PTPN12: variants seen among roughly 807,000 people sequenced by gnomAD.
The protein encoded by PTPN12 is tyrosine-protein phosphatase non-receptor type 12.
A neutral mutation model predicts 97.6 loss-of-function variants in PTPN12; 29 were observed. The ratio of observed to expected loss-of-function variants is 0.30; its 90% confidence interval spans 0.22 to 0.41. The LOEUF is 0.41. Among genes scored for constraint, PTPN12 ranks in the 10% least tolerant of loss-of-function variants. PTPN12 has a pLI of 1.00. For synonymous variants in PTPN12, 327 were observed against 300.4 expected (o/e 1.09, Z -0.91); for missense variants, 819 against 926.0 (o/e 0.88, Z 1.50).
intron 2 of PTPN12, among the ~76,000 whole-genome samples, chr7:77,572,550 C>CT (rs1787181736): frequency 6.6e-6 from 1 of 151,916 alleles, no homozygotes; most frequent in South Asian, 2.1e-4. Context: ...TTTTGTTGTT[C>CT]TACATTATTA....
rs1054483774 is a variant in PTPN12 at position 77,588,597 on chromosome 7, C to T, written c.420+3016C>T. Reference sequence around the variant, plus strand: ...GCATATGCTGTTGAAAAAATGATACCGATATACTTGCTTGGTGCAGGGTTG... The same window carrying T: ...GCATATGCTGTTGAAAAAATGATACTGATATACTTGCTTGGTGCAGGGTTG... On this transcript the variant is annotated intron_variant, in intron 5 of 17. Transcript: ENST00000248594. 8.5e-5 allele frequency among the ~76,000 whole-genome samples: 13 copies of T among 152,136 alleles called. No homozygotes were observed. The East Asian group carries it at 1.2e-3, about 14-fold the overall frequency.
intron 8 of PTPN12, among the ~76,000 whole-genome samples, chr7:77,605,156 T>G (rs1195586523): frequency 6.6e-6 from 1 of 152,118 alleles, no homozygotes; most frequent in Non-Finnish European, 1.5e-5. Context: ...ATTAAGAGTT[T>G]TAAAAAATCT....
intron 16 of PTPN12, among the ~76,000 whole-genome samples, chr7:77,638,284 C>T (rs761893698): frequency 2.6e-5 from 4 of 152,022 alleles, no homozygotes; most frequent in Non-Finnish European, 4.4e-5. Context: ...TATACAAAGA[C>T]ATTTCAGTTG....
intron 3 of PTPN12, among the ~76,000 whole-genome samples, chr7:77,581,810 T>TCATCAATC (rs1168197122): frequency 6.6e-6 from 1 of 152,184 alleles, no homozygotes; most frequent in African/African-American, 2.4e-5. Context: ...CAAATGAACA[T>TCATCAATC]CATCAATCCC....
chr7:77,615,638 C>G (rs1283961453), intron 11 of PTPN12, among the ~76,000 whole-genome samples: 1 of 152,244 alleles, frequency 6.6e-6, no homozygotes, highest in South Asian at 2.1e-4. Flanking sequence ...GTAGTCCTAG[C>G]TACTTGGGAG....
intron 3 of PTPN12, among the ~76,000 whole-genome samples, chr7:77,581,865 A>T (rs1343377434): frequency 6.6e-6 from 1 of 152,146 alleles, no homozygotes; most frequent in Non-Finnish European, 1.5e-5. Context: ...TAAAATGATA[A>T]TATTGCAGTA....
chr7:77,557,573 CATTT>C (rs767623851), intron 1 of PTPN12, among the ~76,000 whole-genome samples: 3 of 152,024 alleles, frequency 2.0e-5, no homozygotes, highest in Non-Finnish European at 4.4e-5. Flanking sequence ...TAATACAAAA[CATTT>C]ATCATTTAAG....
At chr7:77,637,622 C>A (rs1789640184) in intron 16 of PTPN12, among the ~76,000 whole-genome samples, 1 of 151,736 alleles carries the variant, frequency 6.6e-6, no homozygotes, top group East Asian at 1.9e-4. Flanking sequence ...TTTGGGAGAC[C>A]CAGGCAGGCA....
At chr7:77,626,287 T>A (rs1789177771) in intron 12 of PTPN12, among the ~76,000 whole-genome samples, 1 of 152,110 alleles carries the variant, frequency 6.6e-6, no homozygotes, top group Admixed American at 6.5e-5. Context: ...ACGACTGAGG[T>A]AATGAAAAAT....
intron 1 of PTPN12, among the ~76,000 whole-genome samples, chr7:77,558,741 A>G (rs4729533): frequency 0.72 from 109,988 of 152,192 alleles, 41,154 homozygotes; most frequent in East Asian, 0.9. Context: ...GTGGTTTATG[A>G]GCTGGGCCCA....
At chr7:77,538,630 C>G (rs1476446220) in intron 1 of PTPN12, 9 of 151,962 alleles carry the variant, frequency 5.9e-5, no homozygotes, top group Non-Finnish European at 1.3e-4. Flanking sequence ...TGAAATTGCT[C>G]TAGATACACT....
chr7:77,626,234 A>C (rs1162084569), intron 12 of PTPN12, among the ~76,000 whole-genome samples: 1 of 152,212 alleles, frequency 6.6e-6, no homozygotes, highest in Non-Finnish European at 1.5e-5. Context: ...AAGAAAAGAT[A>C]CGAAATCATG....
chr7:77,633,320 T>G (rs1298378627), intron 14 of PTPN12, among the ~76,000 whole-genome samples: 1 of 151,944 alleles, frequency 6.6e-6, no homozygotes, highest in East Asian at 1.9e-4. Context: ...GTATTTTCAT[T>G]CATTAAAAAT....
At chr7:77,618,653 ATTAC>A (rs2151384441) in intron 12 of PTPN12, 88 bp downstream of exon 12, 1 of 887,392 alleles carries the variant, frequency 1.1e-6, no homozygotes, top group East Asian at 2.7e-5. Context: ...ATATTTCTAA[ATTAC>A]TTTTATAACT....
Position 77,627,082 on chromosome 7 carries a change from C to T in PTPN12, c.1403C>T (p.Ser468Leu), listed in dbSNP as rs768438808. 4.3e-6 allele frequency: 7 copies of T among 1,613,948 alleles called. No homozygotes were observed. In the African/African-American group the frequency reaches 8.0e-5, roughly 18 times the overall value. ...RGHAIKIKSA[S>L]PCIADKISKP... ...CATGCAATTAAAATTAAATCTGCTT[C>T]ACCTTGTATAGCTGATAAAATCTCT... The change falls in exon 13 of 18, where the codon TCA becomes TTA. Residue 468 changes from serine to leucine, a missense_variant. Physicochemically the swap from Ser to Leu is moderately radical, Grantham distance 145. This residue lies in a region of PTPN12 where 607 missense variants were observed against 577.3 expected (regional missense o/e 1.05). Transcript: ENST00000248594.
intron 14 of PTPN12, among the ~76,000 whole-genome samples, chr7:77,635,298 A>G (rs1284399883): frequency 2.6e-5 from 4 of 152,192 alleles, no homozygotes; most frequent in Non-Finnish European, 5.9e-5. Flanking sequence ...GCGAGGTGGC[A>G]TGCACCTATA....
At chr7:77,588,033 C>T (rs1787747838) in intron 5 of PTPN12, among the ~76,000 whole-genome samples, 2 of 152,138 alleles carry the variant, frequency 1.3e-5, no homozygotes, top group Admixed American at 6.5e-5. Context: ...TCTATCTAGA[C>T]CACTAAAACT....
chr7:77,583,533 AT>A, intron 3 of PTPN12, 21 bp from the exon 4 acceptor site: 1 of 1,475,948 alleles, frequency 6.8e-7, no homozygotes, highest in Non-Finnish European at 9.3e-7. Context: ...TAAATGTGAA[AT>A]TTGCTTTTAA....
At chr7:77,539,540 C>G (rs887774449) in intron 1 of PTPN12, among the ~76,000 whole-genome samples, 1 of 151,874 alleles carries the variant, frequency 6.6e-6, no homozygotes, top group Admixed American at 6.6e-5. Context: ...TTACTACTTT[C>G]TAGCAAAAGT....
Sources: allele counts gnomAD v4.1 joint callset (sites outside exome capture counted in the v4.1 genomes callset), GRCh38; gene constraint gnomAD v4.1.1; regional missense constraint gnomAD v4.1.1; transcripts MANE v1.5; gene names NCBI Gene and HGNC (gene_info 2026-07-23, HGNC 2026-07-21).